MICAL1: variants seen among roughly 807,000 people sequenced by gnomAD.
The protein encoded by MICAL1 is [F-actin]-monooxygenase MICAL1.
Under a neutral mutation model 131.8 loss-of-function variants are expected in MICAL1, and 95 were observed. The ratio of observed to expected loss-of-function variants is 0.72; its 90% CI spans 0.61 to 0.86. The LOEUF (loss-of-function observed/expected upper bound fraction) is 0.86, where lower values mean the gene tolerates loss of function less well. Ranked by LOEUF, MICAL1 falls within the 40% of genes least tolerant of loss-of-function variation. The probability of loss-of-function intolerance (pLI) is 0.00; values close to 1 mark genes in which losing one functional copy is unlikely to be tolerated. For synonymous variants in MICAL1, 546 were observed against 554.2 expected (o/e 0.99, Z 0.21); for missense variants, 1,292 against 1,380.6 (o/e 0.94, Z 1.02).
rs1488242651 is a variant in MICAL1 at position 109,445,495 on chromosome 6, A to G, written c.2708T>C (p.Met903Thr). Residue 903 changes from methionine (M) to threonine (T), a missense_variant, in exon 21 of 25, where the codon ATG becomes ACG. Physicochemically the swap from Met to Thr is moderately conservative, Grantham distance 81. Transcript: ENST00000358807. ...CCGACGCCATGTTGGGTAGTTATTC[A>G]TGGTGCCTGAGGTCTTGGCAAAGGT... ...LQTFAKTSGT[M>T]NNYPTWRRTL... is the part of the protein sequence containing the mutation. 3.1e-6 allele frequency: 5 copies of G among 1,613,976 alleles called. No homozygotes were observed. Among genetic ancestry groups the G allele is most frequent in the Non-Finnish European group, 4.2e-6 (5 of 1,180,036 alleles).
chr6:109,446,235 C>T lies in MICAL1; in HGVS notation c.2482G>A (p.Glu828Lys), dbSNP rs756097703. 8 of 1,607,108 alleles carry T rather than the reference C, an allele frequency of 5.0e-6. No individual in the cohort carries two copies. The highest frequency in any genetic ancestry group is 3.3e-4 in the Middle Eastern group (2 of 6,030). The change falls in exon 19 of 25, where the codon GAG becomes AAG. Residue 828 changes from glutamate (E) to lysine (K), a missense_variant. By Grantham distance (56) the Glu-to-Lys change is moderately conservative. Transcript: ENST00000358807. ...SLNLTPDPEM[E>K]PPPKPPRSCS... ...CTGCGGGGAGGCTTGGGTGGAGGCT[C>T]CATTTCCGGGTCAGGGGTAAGGTTA...
chr6:109,449,124 C>T, intron 11 of MICAL1: 2 of 660,032 alleles, frequency 3.0e-6, no homozygotes, highest in Non-Finnish European at 5.3e-6. Flanking sequence ...TAGAGGGCAG[C>T]AGACTAAACT....
chr6:109,462,937 A>T (rs1775925602), intron 1 of MICAL1: 1 of 152,250 alleles, frequency 6.6e-6, no homozygotes, highest in Admixed American at 6.5e-5. Context: ...TTTCTCAAGG[A>T]CACATGAGAA....
intron 7 of MICAL1, 109 bp from the exon 8 acceptor site, chr6:109,450,666 AG>A: frequency 7.8e-7 from 1 of 1,288,156 alleles, no homozygotes; most frequent in African/African-American, 1.5e-5. Flanking sequence ...CAGAGAAGGA[AG>A]GGGCTGCCCT....
chr6:109,459,392 A>G (rs1775835395), upstream of MICAL1, among the ~76,000 whole-genome samples: 1 of 152,120 alleles, frequency 6.6e-6, no homozygotes, highest in Non-Finnish European at 1.5e-5. Flanking sequence ...TGGTATAGTG[A>G]GGATGGGAGA....
At chr6:109,445,328 G>C in intron 21 of MICAL1, 38 bp from the exon 22 acceptor site, 1 of 1,613,230 alleles carries the variant, frequency 6.2e-7, no homozygotes, top group Non-Finnish European at 8.5e-7. Context: ...GAGTCTCTAG[G>C]TTGCTCAAGA....
At chr6:109,463,981 A>C (rs1246556222) in intron 1 of MICAL1, 1 of 152,222 alleles carries the variant, frequency 6.6e-6, no homozygotes, top group Non-Finnish European at 1.5e-5. Flanking sequence ...TTTTCTGAAT[A>C]ATCACCTAGC....
At chr6:109,462,440 C>G (rs1775911746) in intron 1 of MICAL1, among the ~76,000 whole-genome samples, 1 of 152,018 alleles carries the variant, frequency 6.6e-6, no homozygotes, top group Non-Finnish European at 1.5e-5. Flanking sequence ...TGTTTGAGAC[C>G]CAGTAAGATA....
intron 7 of MICAL1, 30 bp downstream of exon 7, chr6:109,451,570 C>G (rs771127786): frequency 6.2e-7 from 1 of 1,612,254 alleles, no homozygotes; most frequent in South Asian, 1.1e-5. Context: ...GCTCACCACC[C>G]AGCCTCTCCT....
chr6:109,461,292 T>C (rs1289943291), intron 1 of MICAL1, among the ~76,000 whole-genome samples: 1 of 152,206 alleles, frequency 6.6e-6, no homozygotes, highest in African/African-American at 2.4e-5. Flanking sequence ...AACTCATCCA[T>C]CCTTTTTTAT....
chr6:109,464,973 T>C (rs1775998482), intron 1 of MICAL1: 1 of 152,238 alleles, frequency 6.6e-6, no homozygotes, highest in South Asian at 2.1e-4. Flanking sequence ...AGACTTAAAT[T>C]ACACTGAATA....
At chr6:109,449,244 C>T (rs751714062) in intron 11 of MICAL1, 156 bp downstream of exon 11, 9 of 806,938 alleles carry the variant, frequency 1.1e-5, no homozygotes, top group African/African-American at 8.5e-5. Context: ...GCTGCCCCTC[C>T]GTTCCTCCAG....
At chr6:109,462,423 T>C (rs1454169081) in intron 1 of MICAL1, among the ~76,000 whole-genome samples, 2 of 152,188 alleles carry the variant, frequency 1.3e-5, no homozygotes, top group African/African-American at 4.8e-5. Flanking sequence ...TGCCATGACA[T>C]GGAAGATGTT....
At chr6:109,465,894 T>A in exon 1 of MICAL1, 1 of 1,614,084 alleles carries the variant, frequency 6.2e-7, no homozygotes, top group Non-Finnish European at 8.5e-7. Flanking sequence ...GGGCACGTGG[T>A]GAGTGGGTGG....
In MICAL1 at chr6:109,447,323, G is replaced by A. The variant is rs114441641; in HGVS notation, c.2070+34C>T. The A allele has an allele frequency of 2.5e-3, 4,017 of 1,613,166 alleles. 99 individuals carry two copies. The African/African-American group carries it at 0.047, about 19-fold the overall frequency. On this transcript the variant is annotated intron_variant, in intron 16 of 24. Coordinates refer to ENST00000358807, the MANE Select transcript of MICAL1 (RefSeq NM_022765.4). ...GAAACGCCCCTGCCCTGCCCTCCCC[G>A]GGCCTCTGCCTGCACACAAAGCCTG...
chr6:109,446,346 C>A lies in MICAL1; in HGVS notation c.2371G>T (p.Gly791Trp). ...CTGGGATCTGGAACAGGACCGGCCC[C>A]CTCCTGCGAGGCTGTGGGAGTTGAG... ...GLSTPTASQE[G>W]AGPVPDPSQP... The change falls in exon 19 of 25, where the codon GGG becomes TGG. Residue 791 changes from glycine to tryptophan, a missense_variant. Transcript: ENST00000358807. The A allele has an allele frequency of 6.2e-7, 1 of 1,613,014 alleles. No homozygotes were observed. Among genetic ancestry groups the A allele is most frequent in the Non-Finnish European group, 8.5e-7 (1 of 1,179,778 alleles).
rs1472837879 is a variant in MICAL1 at position 109,447,405 on chromosome 6, A to C, written c.2022T>G (p.Pro674=). The part of the protein sequence containing the change: ...EAETPSTEVP[P]DPEPGVPLTP... The stretch of plus-strand genomic sequence containing the variant: ...TCAGGGGTACACCAGGCTCTGGGTC[A>C]GGTGGCACCTCAGTACTTGGGGTCT... Residue 674 remains proline (P), a synonymous_variant, in exon 16 of 25, where the codon CCT becomes CCG. Coordinates refer to ENST00000358807, the MANE Select transcript of MICAL1 (RefSeq NM_022765.4). 1.9e-6 allele frequency: 3 copies of C among 1,613,664 alleles called. No individual in the cohort carries two copies. In the African/African-American group the frequency reaches 4.0e-5, roughly 22 times the overall value.
rs780679824 is a variant in MICAL1 at position 109,452,544 on chromosome 6, T to C, written c.643A>G (p.Ile215Val). The change falls in exon 5 of 25, where the codon ATC becomes GTC. Residue 215 changes from isoleucine (I) to valine (V), a missense_variant. Physicochemically the swap from Ile to Val is conservative, Grantham distance 29 (BLOSUM62 3). Coordinates refer to ENST00000358807, the MANE Select transcript of MICAL1 (RefSeq NM_022765.4). Reference sequence around the variant, plus strand: ...ACGAATTTACCTCCTGCAGCCGAGATAAGGACGTCAAATTCATAGTTGGCC... The same window carrying C: ...ACGAATTTACCTCCTGCAGCCGAGACAAGGACGTCAAATTCATAGTTGGCC... ...QLANYEFDVL[I>V]SAAGGKFVPE... 1.4e-5 allele frequency: 22 copies of C among 1,613,944 alleles called. 1 individual carries two copies. The highest frequency in any genetic ancestry group is 5.5e-5 in the South Asian group (5 of 91,076).
intron 17 of MICAL1, 70 bp downstream of exon 17, chr6:109,447,003 C>A: frequency 6.4e-7 from 1 of 1,565,790 alleles, no homozygotes; most frequent in South Asian, 1.2e-5. Context: ...TGCCTCTCTA[C>A]CTCAAGCTCT....
Sources: gnomAD v4.1 joint callset for allele counts (sites outside exome capture counted in the v4.1 genomes callset) on GRCh38, gnomAD v4.1.1 for gene constraint, MANE v1.5 for transcripts, NCBI Gene and HGNC (gene_info 2026-07-23, HGNC 2026-07-21) for gene names.